Variants in ENOX1 observed in about 807,000 individuals in gnomAD.
ENOX1 encodes the protein ecto-NOX disulfide-thiol exchanger 1, also known as candidate growth-related and time keeping constitutive hydroquinone (NADH) oxidase.
Under a neutral mutation model 82.5 loss-of-function variants are expected in ENOX1, and 42 were observed. That is an observed-to-expected ratio of 0.51 (90% confidence interval 0.40 to 0.66). The LOEUF (loss-of-function observed/expected upper bound fraction) is 0.66, where lower values mean the gene tolerates loss of function less well. Among genes scored for constraint, ENOX1 ranks in the 30% least tolerant of loss-of-function variants. The pLI is 0.00. For synonymous variants in ENOX1, 271 were observed against 282.2 expected (o/e 0.96, Z 0.40); for missense variants, 608 against 811.6 (o/e 0.75, Z 3.05).
chr13:43,616,981 C>T (rs575438993), intron 2 of ENOX1, among the ~76,000 whole-genome samples: 2 of 152,170 alleles, frequency 1.3e-5, no homozygotes, highest in African/African-American at 4.8e-5. Flanking sequence ...ATTCTGGTGA[C>T]ATTTTAGTGA....
chr13:43,634,878 T>A (rs1041132298), intron 2 of ENOX1, among the ~76,000 whole-genome samples: 26 of 152,148 alleles, frequency 1.7e-4, no homozygotes, highest in Non-Finnish European at 2.8e-4. Context: ...ACAGAAGTTG[T>A]AGGTGGGCAC....
intron 2 of ENOX1, among the ~76,000 whole-genome samples, chr13:43,586,860 C>T (rs370592506): frequency 2.0e-5 from 3 of 151,144 alleles, no homozygotes; most frequent in South Asian, 2.1e-4. Flanking sequence ...ATCAGGAGAT[C>T]GAGACCCTCC....
At position 43,664,651 on chromosome 13, in the gene ENOX1, G is replaced by T. The variant is rs559133142; in HGVS notation, c.-219+2828C>A. ...TAGACATGCCCACAAGCCACACTAG[G>T]AGAGTTCATGTGAAAAGTTATGGGA... On this transcript the variant is annotated intron_variant, in intron 2 of 16. Transcript: ENST00000690772. Among the ~76,000 whole-genome samples the T allele has an allele frequency of 2.0e-5, 3 of 152,320 alleles. No individual in the cohort carries two copies. The East Asian group carries it at 5.8e-4, about 29-fold the overall frequency.
intron 2 of ENOX1, among the ~76,000 whole-genome samples, chr13:43,634,934 CT>C (rs1210423261): frequency 3.3e-5 from 5 of 152,236 alleles, no homozygotes; most frequent in African/African-American, 1.2e-4. Context: ...GCTGTATCTG[CT>C]GCTTACTAAT....
intron 3 of ENOX1, among the ~76,000 whole-genome samples, chr13:43,428,494 G>A (rs1167674591): frequency 1.3e-5 from 2 of 152,142 alleles, no homozygotes; most frequent in Non-Finnish European, 2.9e-5. Flanking sequence ...CACCACAACT[G>A]TACTGCCTGA....
intron 1 of ENOX1, among the ~76,000 whole-genome samples, chr13:43,745,155 A>G (rs559189870): frequency 6.6e-6 from 1 of 152,306 alleles, no homozygotes; most frequent in South Asian, 2.1e-4. Context: ...ACAATATGCT[A>G]GAGGAAAAGT....
chr13:43,222,559 G>C (rs929506688), intron 16 of ENOX1, among the ~76,000 whole-genome samples: 1 of 152,142 alleles, frequency 6.6e-6, no homozygotes, highest in African/African-American at 2.4e-5. Context: ...CTCAACAAAG[G>C]CTTCTCACTT....
intron 1 of ENOX1, among the ~76,000 whole-genome samples, chr13:43,751,205 T>C (rs1021434658): frequency 3.9e-5 from 6 of 152,174 alleles, no homozygotes; most frequent in Non-Finnish European, 8.8e-5. Context: ...CAAATGCCTA[T>C]TCATCTTTCC....
At chr13:43,710,890 T>TTAATCCTTA (rs1324553931) in intron 1 of ENOX1, among the ~76,000 whole-genome samples, 9 of 152,122 alleles carry the variant, frequency 5.9e-5, no homozygotes, top group African/African-American at 2.2e-4. Context: ...TTGGTTTGGC[T>TTAATCCTTA]ATCTAGGATT....
intron 2 of ENOX1, among the ~76,000 whole-genome samples, chr13:43,590,914 C>T (rs1467000928): frequency 2.0e-5 from 3 of 151,954 alleles, no homozygotes; most frequent in Admixed American, 6.6e-5. Flanking sequence ...AGAAAATGTT[C>T]CAATAGTAAC....
intron 12 of ENOX1, among the ~76,000 whole-genome samples, chr13:43,280,039 A>T (rs949125080): frequency 5.3e-5 from 8 of 152,238 alleles, no homozygotes; most frequent in Non-Finnish European, 1.5e-5. Context: ...GGATTTATTT[A>T]TTCTTATCAG....
intron 5 of ENOX1, among the ~76,000 whole-genome samples, chr13:43,368,657 C>T (rs113829193): frequency 0.018 from 2,711 of 152,298 alleles, 42 homozygotes; most frequent in South Asian, 0.04. Flanking sequence ...CTGAAACACA[C>T]TCTTAAGACA....
At chr13:43,535,865 A>C (rs1389475597) in intron 2 of ENOX1, among the ~76,000 whole-genome samples, 3 of 152,214 alleles carry the variant, frequency 2.0e-5, no homozygotes, top group Admixed American at 2.0e-4. Flanking sequence ...CTGTGCAGGA[A>C]AGTTTTAATT....
At chr13:43,614,711 G>A (rs1036727331) in intron 2 of ENOX1, among the ~76,000 whole-genome samples, 6 of 152,066 alleles carry the variant, frequency 3.9e-5, no homozygotes, top group Non-Finnish European at 5.9e-5. Flanking sequence ...CCACTAGGCT[G>A]TAATGAACAT....
chr13:43,409,170 A>G (rs1594400054), intron 5 of ENOX1, among the ~76,000 whole-genome samples: 1 of 152,150 alleles, frequency 6.6e-6, no homozygotes, highest in East Asian at 1.9e-4. Context: ...GGGTAGTTAT[A>G]GAATAATTTA....
intron 2 of ENOX1, among the ~76,000 whole-genome samples, chr13:43,645,910 A>G (rs1420947127): frequency 6.6e-6 from 1 of 152,240 alleles, no homozygotes; most frequent in Non-Finnish European, 1.5e-5. Flanking sequence ...TCTGTAAAGC[A>G]AACAGCCTGG....
intron 12 of ENOX1, among the ~76,000 whole-genome samples, chr13:43,296,477 C>T (rs943154075): frequency 6.6e-6 from 1 of 152,160 alleles, no homozygotes. Context: ...GAAGGAACCA[C>T]CCCTGCTTTT....
chr13:43,735,716 G>T (rs1393110445), intron 1 of ENOX1, among the ~76,000 whole-genome samples: 2 of 151,724 alleles, frequency 1.3e-5, no homozygotes, highest in Non-Finnish European at 2.9e-5. Flanking sequence ...GCAAGACTCA[G>T]TCTCCAAAAA....
intron 3 of ENOX1, among the ~76,000 whole-genome samples, chr13:43,416,520 C>T (rs973546451): frequency 1.4e-5 from 2 of 147,608 alleles, no homozygotes; most frequent in African/African-American, 5.1e-5. Flanking sequence ...GGCAGAGGCG[C>T]TCCTCACTTC....
Sources: allele counts gnomAD v4.1 joint callset (sites outside exome capture counted in the v4.1 genomes callset), GRCh38; gene constraint gnomAD v4.1.1; transcripts MANE v1.5; gene names NCBI Gene and HGNC (gene_info 2026-07-23, HGNC 2026-07-21).